Variants in PLEKHG1 observed in about 807,000 individuals in gnomAD.
PLEKHG1 encodes pleckstrin homology domain-containing family G member 1.
PLEKHG1 carries 44 observed loss-of-function variants against 100.8 expected under a neutral mutation model. That is an observed-to-expected ratio of 0.44 (90% confidence interval 0.34 to 0.56). PLEKHG1 has a LOEUF of 0.56. Ranked by LOEUF, PLEKHG1 falls within the 20% of genes least tolerant of loss-of-function variation. The pLI is 0.01. For synonymous variants in PLEKHG1, 640 were observed against 662.5 expected, an observed-to-expected ratio of 0.97 and a Z score of 0.52; for missense variants, 1,545 against 1,720.9, an observed-to-expected ratio of 0.90 and a Z score of 1.81.
chr6:150,752,999 G>T (rs1409104051), intron 2 of PLEKHG1, among the ~76,000 whole-genome samples: 1 of 152,150 alleles, frequency 6.6e-6, no homozygotes, highest in Non-Finnish European at 1.5e-5. Context: ...TGTAGTCCAA[G>T]CTACTTGGGA....
At chr6:150,794,751 G>A (rs1786214927) in intron 4 of PLEKHG1, among the ~76,000 whole-genome samples, 1 of 152,062 alleles carries the variant, frequency 6.6e-6, no homozygotes, top group Non-Finnish European at 1.5e-5. Flanking sequence ...AGAATGATGG[G>A]GAAGCAGGGG....
chr6:150,649,990 C>T (rs1265785319), intron 2 of PLEKHG1, among the ~76,000 whole-genome samples: 1 of 148,874 alleles, frequency 6.7e-6, no homozygotes, highest in Admixed American at 6.8e-5. Flanking sequence ...CCAGCCTGGG[C>T]GACAGAGCGG....
chr6:150,704,579 AC>A (rs1023022791), intron 3 of PLEKHG1, among the ~76,000 whole-genome samples: 7 of 152,324 alleles, frequency 4.6e-5, no homozygotes, highest in Admixed American at 3.3e-4. Context: ...CTGGTTCTCA[AC>A]CTTACATCAC....
chr6:150,671,215 T>G (rs1025557242), intron 3 of PLEKHG1, among the ~76,000 whole-genome samples: 6 of 152,138 alleles, frequency 3.9e-5, no homozygotes, highest in Non-Finnish European at 8.8e-5. Flanking sequence ...GTAAGTATCT[T>G]TTTTGAATAA....
At chr6:150,812,461 T>C (rs1787589175) in intron 10 of PLEKHG1, among the ~76,000 whole-genome samples, 1 of 151,892 alleles carries the variant, frequency 6.6e-6, no homozygotes. Flanking sequence ...ATCTCAGAGA[T>C]GGGGGAGACA....
At chr6:150,674,683 C>CTCTCTCTCTCT (rs1562427867) in intron 3 of PLEKHG1, among the ~76,000 whole-genome samples, 1 of 103,534 alleles carries the variant, frequency 9.7e-6, no homozygotes, top group African/African-American at 3.4e-5. Context: ...CTCTCTCTCT[C>CTCTCTCTCTCT]CCCCCTCTTC....
At position 150,779,408 on chromosome 6, in the gene PLEKHG1, C is replaced by T. The variant is rs140233277; in HGVS notation, c.513-6982C>T. The stretch of plus-strand genomic sequence containing the variant: ...TCGCCTAGGCTGGAGTGCAATGGCG[C>T]GATCTCAGCTCTCTGCAACTTCTGC... On this transcript the variant is annotated intron_variant, in intron 3 of 15. Coordinates refer to ENST00000358517, the Ensembl canonical transcript of PLEKHG1. Among the ~76,000 whole-genome samples, 38 of 139,244 alleles carry T rather than the reference C, an allele frequency of 2.7e-4. No individual in the cohort carries two copies. The East Asian group carries it at 6.5e-3, about 24-fold the overall frequency. The allele number at this position is 139,244 out of a possible 152,430, so 91.3% of individuals were successfully genotyped here.
At chr6:150,695,425 C>T (rs1349019140) in intron 3 of PLEKHG1, among the ~76,000 whole-genome samples, 1 of 152,156 alleles carries the variant, frequency 6.6e-6, no homozygotes, top group Admixed American at 6.5e-5. Flanking sequence ...TATCTCTGTT[C>T]TACAAACTAG....
chr6:150,750,406 C>T (rs4645433), intron 2 of PLEKHG1, among the ~76,000 whole-genome samples: 24,212 of 152,064 alleles, frequency 0.16, 3,477 homozygotes, highest in African/African-American at 0.38. Context: ...GGCCGGGGTC[C>T]GTTTTCCTTG....
chr6:150,733,706 C>T (rs768400076), exon 2 of PLEKHG1: 1 of 1,614,180 alleles, frequency 6.2e-7, no homozygotes, highest in South Asian at 1.1e-5. Context: ...TAGTGACCGA[C>T]CCGTCAGCTT....
chr6:150,602,388 G>T (rs1022335631), intron 1 of PLEKHG1, among the ~76,000 whole-genome samples: 3 of 152,218 alleles, frequency 2.0e-5, no homozygotes, highest in African/African-American at 4.8e-5. Flanking sequence ...GATTTAGGAA[G>T]TCTGGTTAAG....
intron 3 of PLEKHG1, among the ~76,000 whole-genome samples, chr6:150,714,905 T>A (rs1968999): frequency 0.072 from 10,998 of 151,862 alleles, 546 homozygotes; most frequent in South Asian, 0.16. Flanking sequence ...ACCTCCCAGG[T>A]TCAAGTGATT....
intron 1 of PLEKHG1, among the ~76,000 whole-genome samples, chr6:150,729,439 G>A (rs7750663): frequency 0.17 from 26,171 of 152,058 alleles, 3,388 homozygotes; most frequent in African/African-American, 0.36. Context: ...AGAGATAAAT[G>A]TTAATAATTG....
chr6:150,626,168 T>G (rs983396251), intron 1 of PLEKHG1: 5 of 151,412 alleles, frequency 3.3e-5, no homozygotes, highest in Non-Finnish European at 5.9e-5. Flanking sequence ...GCGGGGGGTC[T>G]GTTGTACAAA....
intron 3 of PLEKHG1, among the ~76,000 whole-genome samples, chr6:150,659,784 G>A (rs1582901552): frequency 6.6e-6 from 1 of 152,244 alleles, no homozygotes; most frequent in South Asian, 2.1e-4. Flanking sequence ...ACACTGCTTT[G>A]TGATCTTAAA....
chr6:150,625,771 G>A (rs1777483162), intron 1 of PLEKHG1: 1 of 152,252 alleles, frequency 6.6e-6, no homozygotes, highest in South Asian at 2.1e-4. Flanking sequence ...TGGGATTACA[G>A]GCATGAGCCA....
chr6:150,823,609 G>T, intron 13 of PLEKHG1, 45 bp from the exon 15 acceptor site: 1 of 1,339,712 alleles, frequency 7.5e-7, no homozygotes, highest in Non-Finnish European at 1.1e-6. Flanking sequence ...TATATAGGAG[G>T]TACATTTTCA....
intron 15 of PLEKHG1, among the ~76,000 whole-genome samples, chr6:150,832,481 G>C (rs1353875371): frequency 2.0e-5 from 3 of 152,104 alleles, no homozygotes; most frequent in African/African-American, 4.8e-5. Flanking sequence ...TCTCTAAGGT[G>C]ATCTGAAGTA....
At chr6:150,817,516 T>C (rs964339283) in intron 10 of PLEKHG1, among the ~76,000 whole-genome samples, 36 of 152,040 alleles carry the variant, frequency 2.4e-4, no homozygotes, top group African/African-American at 8.0e-4. Context: ...CCTTGAGCTT[T>C]TGAGTCAGTA....
Sources: allele counts gnomAD v4.1 joint callset (sites outside exome capture counted in the v4.1 genomes callset), GRCh38; gene constraint gnomAD v4.1.1; transcripts MANE v1.5; gene names NCBI Gene and HGNC (gene_info 2026-07-23, HGNC 2026-07-21).